Variants in CPXM2 observed in about 807,000 individuals in gnomAD.
CPXM2 encodes inactive carboxypeptidase-like protein X2.
Under a neutral mutation model 86.1 loss-of-function variants are expected in CPXM2, and 66 were observed. The observed-to-expected ratio is 0.77, with a 90% CI of 0.63 to 0.94. The LOEUF is 0.94. Ranked by LOEUF, CPXM2 falls within the 40% of genes least tolerant of loss-of-function variation. CPXM2 has a pLI of 0.00. For synonymous variants in CPXM2, 388 were observed against 400.2 expected, an observed-to-expected ratio of 0.97 and a Z score of 0.36; for missense variants, 948 against 1,026.3, an observed-to-expected ratio of 0.92 and a Z score of 1.04.
intron 6 of CPXM2, among the ~76,000 whole-genome samples, chr10:123,794,588 T>G (rs893784236): frequency 6.6e-6 from 1 of 152,156 alleles, no homozygotes; most frequent in Non-Finnish European, 1.5e-5. Context: ...TTGTTAAAAT[T>G]TTATCTTCAG....
intron 2 of CPXM2, among the ~76,000 whole-genome samples, chr10:123,897,510 T>C (rs1056614357): frequency 6.6e-6 from 1 of 152,180 alleles, no homozygotes; most frequent in Non-Finnish European, 1.5e-5. Flanking sequence ...CAAAGGGAAC[T>C]GTGGCCCATC....
intron 4 of CPXM2, among the ~76,000 whole-genome samples, chr10:123,838,185 G>A (rs1221038865): frequency 6.6e-6 from 1 of 152,232 alleles, no homozygotes; most frequent in Non-Finnish European, 1.5e-5. Context: ...TACAGGGCAA[G>A]GCACGATGGC....
chr10:123,764,063 T>C (rs1291677707), intron 10 of CPXM2, among the ~76,000 whole-genome samples: 1 of 152,220 alleles, frequency 6.6e-6, no homozygotes. Context: ...AGGTAGAACA[T>C]CTTGTCATGT....
In CPXM2 at chr10:123,885,195, A is replaced by G. The variant is rs1945160827; in HGVS notation, c.305-4886T>C. Among the ~76,000 whole-genome samples, 1 of 147,876 alleles carries G rather than the reference A, an allele frequency of 6.8e-6. No individual in the cohort carries two copies. The highest frequency in any genetic ancestry group is 2.3e-4 in the South Asian group (1 of 4,348). ...TCTGGCAGGACTCAACGGGGACTCA[A>G]CCTGGCTGGGGACTCAGGGTGGGGT... On this transcript the variant is annotated intron_variant, in intron 1 of 13. Transcript: ENST00000241305. This position sits in a 1 kb window ranked among gnomAD's most constrained non-coding sequence, Gnocchi z 4.0.
intron 2 of CPXM2, among the ~76,000 whole-genome samples, chr10:123,937,478 C>CACAA (rs1945733353): frequency 1.1e-5 from 1 of 87,306 alleles, no homozygotes; most frequent in Non-Finnish European, 2.1e-5. Context: ...ACAACACACA[C>CACAA]ACACACACAC....
At chr10:123,869,775 C>A (rs1396155585) in intron 2 of CPXM2, among the ~76,000 whole-genome samples, 2 of 152,096 alleles carry the variant, frequency 1.3e-5, no homozygotes, top group East Asian at 3.9e-4. Context: ...ATTCATTAGT[C>A]CTCATCATCA....
chr10:123,812,871 C>T (rs1847724148), intron 4 of CPXM2, among the ~76,000 whole-genome samples: 2 of 152,092 alleles, frequency 1.3e-5, no homozygotes, highest in African/African-American at 4.8e-5. Context: ...TTCCATGAAA[C>T]CGGTCCCTGG....
At position 123,785,855 on chromosome 10, in the gene CPXM2, G is replaced by A. The variant is rs977241411; in HGVS notation, c.890-5600C>T. 3.3e-5 allele frequency among the ~76,000 whole-genome samples: 5 copies of A among 151,940 alleles called. No homozygotes were observed. In the East Asian group the frequency reaches 7.7e-4, roughly 23 times the overall value. On this transcript the variant is annotated intron_variant, in intron 6 of 13. Coordinates refer to ENST00000241305, the MANE Select transcript of CPXM2 (RefSeq NM_198148.3). ...TCACAGTGTTAGCCAGGATGTTCTC[G>A]ATCTCCTGACCTTGTGATCTGCCCG...
At chr10:123,832,313 A>T (rs751399925) in intron 4 of CPXM2, among the ~76,000 whole-genome samples, 1 of 150,608 alleles carries the variant, frequency 6.6e-6, no homozygotes, top group Non-Finnish European at 1.5e-5. Flanking sequence ...GATGAAGCAC[A>T]TACAAGACCA....
intron 4 of CPXM2, among the ~76,000 whole-genome samples, chr10:123,808,707 A>T (rs1429446639): frequency 6.6e-6 from 1 of 152,218 alleles, no homozygotes; most frequent in East Asian, 1.9e-4. Context: ...TTATTTATAC[A>T]ATTTTTAAAA....
In CPXM2 at chr10:123,857,808, C is replaced by T. The variant is rs569900070; in HGVS notation, c.513+4806G>A. On this transcript the variant is annotated intron_variant, in intron 3 of 13. Transcript: ENST00000241305. ...CACGCACGGGACTCCGCAGCTTCCA[C>T]GCTCGCCCCTGACAGTGCACTCTGT... 7.9e-5 allele frequency among the ~76,000 whole-genome samples: 12 copies of T among 152,358 alleles called. No individual in the cohort carries two copies. The East Asian group carries it at 2.3e-3, about 29-fold the overall frequency.
chr10:123,751,278 A>T (rs1846068797), intron 13 of CPXM2, among the ~76,000 whole-genome samples: 1 of 152,166 alleles, frequency 6.6e-6, no homozygotes, highest in Non-Finnish European at 1.5e-5. Context: ...TGGGTAATTA[A>T]CATTGTCGAC....
chr10:123,752,123 T>G (rs1051423624), intron 13 of CPXM2: 21 of 985,342 alleles, frequency 2.1e-5, no homozygotes, highest in Non-Finnish European at 2.4e-5. Flanking sequence ...ATGTTTAAAA[T>G]ACAAATCCTA....
At chr10:123,884,811 G>T (rs184545458) in intron 1 of CPXM2, among the ~76,000 whole-genome samples, 1 of 152,210 alleles carries the variant, frequency 6.6e-6, no homozygotes, top group East Asian at 1.9e-4. Flanking sequence ...CCTCCTCTGG[G>T]CCAGCCTTTC....
chr10:123,794,923 C>A (rs1035623812), intron 6 of CPXM2, among the ~76,000 whole-genome samples: 2 of 152,056 alleles, frequency 1.3e-5, no homozygotes, highest in African/African-American at 4.8e-5. Context: ...GCACCCGCCA[C>A]CATGCCTGGA....
At chr10:123,813,482 AC>A (rs1847739829) in intron 4 of CPXM2, among the ~76,000 whole-genome samples, 1 of 152,184 alleles carries the variant, frequency 6.6e-6, no homozygotes. Flanking sequence ...TCAATTGCCA[AC>A]CTTTAGGGGT....
intron 2 of CPXM2, among the ~76,000 whole-genome samples, chr10:123,923,549 C>CCAGCCTGGG (rs1945595881): frequency 1.3e-5 from 2 of 151,610 alleles, no homozygotes; most frequent in South Asian, 2.1e-4. Flanking sequence ...CCACTGCACT[C>CCAGCCTGGG]CAGCCTGGGC....
At chr10:123,811,295 C>T (rs369099514) in intron 4 of CPXM2, among the ~76,000 whole-genome samples, 27 of 152,174 alleles carry the variant, frequency 1.8e-4, no homozygotes, top group South Asian at 8.3e-4. Context: ...CTATCCCTCC[C>T]GCCTCCCCTC....
chr10:123,803,015 G>A (rs914285111), intron 4 of CPXM2, among the ~76,000 whole-genome samples: 3 of 143,044 alleles, frequency 2.1e-5, no homozygotes, highest in Admixed American at 1.4e-4. Flanking sequence ...TTCTCACATT[G>A]ATTTATAGAG....
Sources: gnomAD v4.1 joint callset for allele counts (sites outside exome capture counted in the v4.1 genomes callset) on GRCh38, gnomAD v4.1.1 for gene constraint, Gnocchi (gnomAD v3.1) non-coding constraint, MANE v1.5 for transcripts, NCBI Gene and HGNC (gene_info 2026-07-23, HGNC 2026-07-21) for gene names.